Variants in PTGER3 observed in about 807,000 individuals in gnomAD.
PTGER3 encodes prostaglandin E receptor 3, also known as prostaglandin E2 receptor EP3 subtype.
A neutral mutation model predicts 34.7 loss-of-function variants in PTGER3; 22 were observed. The ratio of observed to expected loss-of-function variants is 0.63; its 90% CI spans 0.45 to 0.91. The LOEUF is 0.91. Ranked by LOEUF, PTGER3 falls within the 40% of genes least tolerant of loss-of-function variation. The pLI, the probability that PTGER3 is intolerant of heterozygous loss-of-function variation, is 0.00. For synonymous variants in PTGER3, 241 were observed against 230.1 expected, an observed-to-expected ratio of 1.05 and a Z score of -0.43; for missense variants, 468 against 519.4, an observed-to-expected ratio of 0.90 and a Z score of 0.96.
downstream of PTGER3, among the ~76,000 whole-genome samples, chr1:70,949,102 C>T (rs569129778): frequency 4.6e-5 from 7 of 151,906 alleles, no homozygotes; most frequent in South Asian, 2.1e-4. Context: ...AAAGTTTATG[C>T]GGCGGAAGGG....
intron 2 of PTGER3, among the ~76,000 whole-genome samples, chr1:71,002,940 C>T (rs1656622109): frequency 1.3e-5 from 2 of 152,158 alleles, no homozygotes; most frequent in Admixed American, 1.3e-4. Context: ...GTGTATCTGT[C>T]CAATTCATGC....
At chr1:70,857,567 A>G (rs1217843351) in intron 4 of PTGER3, among the ~76,000 whole-genome samples, 2 of 151,732 alleles carry the variant, frequency 1.3e-5, no homozygotes, top group African/African-American at 4.8e-5. Context: ...ACAGAGTCTC[A>G]CTCTGTCGCC....
intron 4 of PTGER3, among the ~76,000 whole-genome samples, chr1:70,923,453 T>A (rs1647750371): frequency 6.6e-6 from 1 of 152,206 alleles, no homozygotes; most frequent in African/African-American, 2.4e-5. Flanking sequence ...CTTTGGAAGA[T>A]GATTTTATAG....
At chr1:70,862,508 A>G in intron 4 of PTGER3, 1 of 594,778 alleles carries the variant, frequency 1.7e-6, no homozygotes, top group Admixed American at 2.1e-5. Context: ...ACTATAGGGA[A>G]TTAAGGGAGG....
intron 3 of PTGER3, among the ~76,000 whole-genome samples, chr1:70,973,176 C>T (rs1557700187): frequency 2.1e-5 from 3 of 145,542 alleles, no homozygotes; most frequent in Non-Finnish European, 3.0e-5. Flanking sequence ...GATAGATAGA[C>T]AGATAGATAC....
chr1:71,006,519 A>C, intron 2 of PTGER3: 1 of 984,938 alleles, frequency 1.0e-6, no homozygotes, highest in Non-Finnish European at 1.2e-6. Context: ...ATTACACCAA[A>C]ATCCACAAGA....
chr1:70,953,893 G>T, intron 2 of PTGER3: 1 of 544,004 alleles, frequency 1.8e-6, no homozygotes, highest in East Asian at 3.4e-5. Flanking sequence ...AGCTATTTCT[G>T]TGAGGGGTAA....
At chr1:70,936,609 C>A (rs571258423) in intron 4 of PTGER3, among the ~76,000 whole-genome samples, 2 of 152,018 alleles carry the variant, frequency 1.3e-5, no homozygotes, top group African/African-American at 4.8e-5. Flanking sequence ...ATGGAAGAGG[C>A]TTTGTATGTT....
intron 4 of PTGER3, among the ~76,000 whole-genome samples, chr1:70,904,040 C>A (rs533875921): frequency 1.1e-4 from 16 of 152,014 alleles, no homozygotes; most frequent in Non-Finnish European, 1.9e-4. Context: ...GAGGGTGGAT[C>A]TTTCCTTCAT....
intron 3 of PTGER3, 40 bp downstream of exon 3, chr1:70,974,257 G>A (rs1366684144): frequency 4.4e-6 from 7 of 1,609,132 alleles, no homozygotes; most frequent in East Asian, 2.2e-5. Flanking sequence ...AGAGACGGGG[G>A]AAGGCTATGC....
intron 4 of PTGER3, among the ~76,000 whole-genome samples, chr1:70,885,871 G>A (rs1646487457): frequency 6.6e-6 from 1 of 152,168 alleles, no homozygotes; most frequent in Non-Finnish European, 1.5e-5. Flanking sequence ...ATATGGCAAA[G>A]GAGCTTTCAA....
chr1:70,884,814 A>G (rs962565056), intron 4 of PTGER3, among the ~76,000 whole-genome samples: 3 of 152,120 alleles, frequency 2.0e-5, no homozygotes, highest in Admixed American at 6.5e-5. Context: ...GAGATTGGAA[A>G]CCCTATACAG....
At chr1:70,917,441 G>GTGTGTATATA (rs376536515) in intron 4 of PTGER3, among the ~76,000 whole-genome samples, 1 of 137,352 alleles carries the variant, frequency 7.3e-6, no homozygotes, top group East Asian at 2.1e-4. Flanking sequence ...GTGTGTGTGT[G>GTGTGTATATA]TATACAATCA....
intron 4 of PTGER3, among the ~76,000 whole-genome samples, chr1:70,880,603 TC>T (rs1646369437): frequency 6.6e-6 from 1 of 151,078 alleles, no homozygotes; most frequent in African/African-American, 2.4e-5. Context: ...TGCAGGAGAA[TC>T]TTTTGAACCC....
intron 1 of PTGER3, among the ~76,000 whole-genome samples, chr1:71,044,091 C>T (rs1056722702): frequency 6.7e-6 from 1 of 149,822 alleles, no homozygotes; most frequent in Non-Finnish European, 1.5e-5. Context: ...GCTGGGATTA[C>T]AGGCGTGAGC....
chr1:70,932,810 G>A (rs1648843048), intron 4 of PTGER3, among the ~76,000 whole-genome samples: 3 of 152,010 alleles, frequency 2.0e-5, no homozygotes, highest in Non-Finnish European at 2.9e-5. Flanking sequence ...CAATTCTCAG[G>A]GAAGCTTGCT....
At chr1:70,870,528 G>T (rs1043888244) in intron 4 of PTGER3, among the ~76,000 whole-genome samples, 1 of 152,192 alleles carries the variant, frequency 6.6e-6, no homozygotes, top group African/African-American at 2.4e-5. Flanking sequence ...GCTAGGCTGA[G>T]AAATCTTCTA....
At chr1:70,988,873 T>C (rs948579205) in intron 2 of PTGER3, among the ~76,000 whole-genome samples, 1 of 152,184 alleles carries the variant, frequency 6.6e-6, no homozygotes, top group African/African-American at 2.4e-5. Flanking sequence ...GCCACACTTA[T>C]AAAGGAAACC....
At position 71,047,455 on chromosome 1, in the gene PTGER3, T is replaced by C. The variant is rs780026080; in HGVS notation, c.123A>G (p.Pro41=). The part of the protein sequence containing the change: ...AEARGNLTRP[P]GSGEDCGSVS... ...CCGATCCGCAATCCTCGCCAGACCC[T>C]GGAGGGCGCGTGAGGTTGCCCCGCG... Residue 41 remains proline (P), a synonymous_variant, in exon 1 of 4, where the codon CCA becomes CCG. Transcript: ENST00000306666. 6.2e-7 allele frequency: 1 copy of C among 1,610,506 alleles called. No homozygotes were observed. The highest frequency in any genetic ancestry group is 2.2e-5 in the East Asian group (1 of 44,734).
Sources: gnomAD v4.1 joint callset for allele counts (sites outside exome capture counted in the v4.1 genomes callset) on GRCh38, gnomAD v4.1.1 for gene constraint, MANE v1.5 for transcripts, NCBI Gene and HGNC (gene_info 2026-07-23, HGNC 2026-07-21) for gene names.